The following COLGALT1 variants were observed in gnomAD, a reference collection of about 807,000 sequenced individuals.
The protein encoded by COLGALT1 is collagen beta(1-O)galactosyltransferase 1.
Under a neutral mutation model 60.8 loss-of-function variants are expected in COLGALT1, and 43 were observed. That is an observed-to-expected ratio of 0.71 (90% confidence interval 0.55 to 0.91). COLGALT1 has a LOEUF of 0.91. Among genes scored for constraint, COLGALT1 ranks in the 40% least tolerant of loss-of-function variants. COLGALT1 has a pLI of 0.00. For synonymous variants in COLGALT1, 369 were observed against 374.2 expected (o/e 0.99, Z 0.16); for missense variants, 845 against 880.0 (o/e 0.96, Z 0.50).
chr19:17,557,305 CTTT>C (rs896760274), intron 1 of COLGALT1, among the ~76,000 whole-genome samples: 1 of 150,760 alleles, frequency 6.6e-6, no homozygotes, highest in Non-Finnish European at 1.5e-5. Context: ...TTGAGATATA[CTTT>C]TTTTTTTCTC....
chr19:17,559,625 C>T (rs2076236637), intron 2 of COLGALT1, among the ~76,000 whole-genome samples: 2 of 152,150 alleles, frequency 1.3e-5, no homozygotes, highest in African/African-American at 4.8e-5. Context: ...AAGCCGTTCC[C>T]TGTACCTAGA....
intron 1 of COLGALT1, among the ~76,000 whole-genome samples, chr19:17,556,250 C>T (rs2076210559): frequency 6.6e-6 from 1 of 152,236 alleles, no homozygotes; most frequent in South Asian, 2.1e-4. Flanking sequence ...CTCCTGCTGG[C>T]TCCTTTGGGG....
In COLGALT1 at chr19:17,581,726, A is replaced by G. The variant is rs1041895044; in HGVS notation, c.*282A>G. Reference sequence around the variant, plus strand: ...ATTTATTAAGCACCTGCTGTATGCAAGGTTCCCATGTTACGGCAGTGAATG... The same window carrying G: ...ATTTATTAAGCACCTGCTGTATGCAGGGTTCCCATGTTACGGCAGTGAATG... On this transcript the variant is annotated 3_prime_UTR_variant, in exon 12 of 12. Transcript: ENST00000252599. 8.1e-6 allele frequency: 4 copies of G among 494,234 alleles called. No individual in the cohort carries two copies. The highest frequency in any genetic ancestry group is 3.4e-5 in the East Asian group (1 of 29,586). 30.6% of individuals were successfully genotyped at this position (494,234 alleles called of 1,614,324 possible). A position where few individuals can be genotyped will look rare whatever the true frequency, so the allele number is the denominator to read the frequency against.
intron 3 of COLGALT1, among the ~76,000 whole-genome samples, chr19:17,566,453 G>A (rs1338550255): frequency 6.6e-6 from 1 of 151,932 alleles, no homozygotes; most frequent in Non-Finnish European, 1.5e-5. Context: ...GGGAACGTCC[G>A]GACCTAATCA....
chr19:17,558,761 A>G (rs1226267352), intron 1 of COLGALT1, among the ~76,000 whole-genome samples: 3 of 152,140 alleles, frequency 2.0e-5, no homozygotes, highest in South Asian at 2.1e-4. Context: ...AAAACAGCCA[A>G]TCACTAATGG....
chr19:17,570,874 A>G (rs2076308665), intron 5 of COLGALT1, among the ~76,000 whole-genome samples: 1 of 152,086 alleles, frequency 6.6e-6, no homozygotes, highest in Non-Finnish European at 1.5e-5. Flanking sequence ...CAATTTTTAC[A>G]TTTTTAAATC....
intron 1 of COLGALT1, among the ~76,000 whole-genome samples, chr19:17,558,973 A>G (rs1342299434): frequency 2.6e-5 from 4 of 152,102 alleles, no homozygotes; most frequent in African/African-American, 9.7e-5. Context: ...AGCCTGGCCA[A>G]CATGGTGAAA....
chr19:17,566,198 C>G (rs2076278857), intron 3 of COLGALT1: 1 of 151,986 alleles, frequency 6.6e-6, no homozygotes, highest in Non-Finnish European at 1.5e-5. Flanking sequence ...AACCCCATCT[C>G]TACCAAAAAA....
At chr19:17,577,167 G>A (rs775946901) in intron 6 of COLGALT1, 28 bp from the exon 7 acceptor site, 4 of 1,610,680 alleles carry the variant, frequency 2.5e-6, no homozygotes, top group Non-Finnish European at 3.4e-6. Flanking sequence ...CCTTACCCCA[G>A]CGACTCCTCA....
At chr19:17,561,907 G>T (rs963569514) in intron 3 of COLGALT1, among the ~76,000 whole-genome samples, 8 of 152,078 alleles carry the variant, frequency 5.3e-5, no homozygotes, top group African/African-American at 1.9e-4. Context: ...CAGAGTCTCT[G>T]TTGCCCAGGT....
intron 3 of COLGALT1, among the ~76,000 whole-genome samples, chr19:17,564,671 C>A (rs2076270349): frequency 6.6e-6 from 1 of 152,044 alleles, no homozygotes; most frequent in African/African-American, 2.4e-5. Flanking sequence ...CCTGCCTCAG[C>A]CTCCCAAAGT....
At chr19:17,575,064 T>C (rs1002473492) in intron 6 of COLGALT1, among the ~76,000 whole-genome samples, 14 of 152,116 alleles carry the variant, frequency 9.2e-5, no homozygotes, top group Admixed American at 2.6e-4. Context: ...TGGTTTTTAT[T>C]TTTTTGAGAT....
At chr19:17,560,589 G>A in intron 3 of COLGALT1, 124 bp downstream of exon 3, 1 of 759,586 alleles carries the variant, frequency 1.3e-6, no homozygotes, top group South Asian at 1.6e-5. Flanking sequence ...CTGAGGCTTA[G>A]AGAGGGGAGA....
At chr19:17,571,761 A>G (rs1005999430) in intron 5 of COLGALT1, 1 of 152,112 alleles carries the variant, frequency 6.6e-6, no homozygotes, top group African/African-American at 2.4e-5. Flanking sequence ...CCATCCAGAA[A>G]AGGATAGATG....
In COLGALT1 at chr19:17,581,109, A is replaced by G. The variant is rs2076378694; in HGVS notation, c.1602-68A>G. 3.2e-6 allele frequency: 5 copies of G among 1,554,576 alleles called. No homozygotes were observed. The East Asian group carries it at 6.8e-5, about 21-fold the overall frequency. The stretch of plus-strand genomic sequence containing the variant: ...GTCCCCGCTGACTTCTTCACCCCCA[A>G]TTTTTCCTCCAGCTGTCCCGTCCCC... On this transcript the variant is annotated intron_variant, in intron 11 of 11. Transcript: ENST00000252599.
chr19:17,556,441 A>G (rs2076212069), intron 1 of COLGALT1: 1 of 634,626 alleles, frequency 1.6e-6, no homozygotes, highest in Non-Finnish European at 2.0e-6. Flanking sequence ...GCTGCCCTTA[A>G]GCTTGAACTC....
Position 17,577,418 on chromosome 19 carries a change from C to T in COLGALT1, c.1084C>T (p.Leu362=), listed in dbSNP as rs1691401618. 3 of 1,485,356 alleles carry T rather than the reference C, an allele frequency of 2.0e-6. No individual in the cohort carries two copies. The highest frequency in any genetic ancestry group is 2.9e-5 in the African/African-American group (2 of 69,634). The allele number at this position is 1,485,356 out of a possible 1,614,324, so 92.0% of individuals were successfully genotyped here. A position where few individuals can be genotyped will look rare whatever the true frequency, so the allele number is the denominator to read the frequency against. ...QDRRERMLRA[L]QAQEIECRLV... ...CCGGCGGGAGCGCATGCTGCGGGCG[C>T]TGCAGGCACAGGAGATCGAGTGCCG... The change falls in exon 8 of 12, where the codon CTG becomes TTG. Residue 362 remains leucine, a synonymous_variant. Coordinates refer to ENST00000252599, the MANE Select transcript of COLGALT1 (RefSeq NM_024656.4).
At chr19:17,556,066 GTCC>G in intron 1 of COLGALT1, 93 bp downstream of exon 1, 1 of 1,226,450 alleles carries the variant, frequency 8.2e-7, no homozygotes, top group Non-Finnish European at 1.0e-6. Context: ...CCTGCCCGCT[GTCC>G]TCTTCTGGGC....
chr19:17,558,475 C>G (rs566723856), intron 1 of COLGALT1, among the ~76,000 whole-genome samples: 3 of 148,326 alleles, frequency 2.0e-5, no homozygotes, highest in Admixed American at 6.7e-5. Flanking sequence ...GTCAGGAGTT[C>G]GAGAGCAGCC....
Sources: gnomAD v4.1 joint callset for allele counts (sites outside exome capture counted in the v4.1 genomes callset) on GRCh38, gnomAD v4.1.1 for gene constraint, MANE v1.5 for transcripts, NCBI Gene and HGNC (gene_info 2026-07-23, HGNC 2026-07-21) for gene names.